Variants in IFT27 observed in about 807,000 individuals in gnomAD.
IFT27 encodes the protein intraflagellar transport protein 27 homolog.
Under a neutral mutation model 23.9 loss-of-function variants are expected in IFT27, and 19 were observed. That is an observed-to-expected ratio of 0.79 (90% CI 0.55 to 1.16). IFT27 has a LOEUF of 1.16. Among genes scored for constraint, IFT27 ranks in the 50% most tolerant of loss-of-function variants. The pLI, the probability that IFT27 is intolerant of heterozygous loss-of-function variation, is 0.00. For synonymous variants in IFT27, 91 were observed against 89.1 expected, an observed-to-expected ratio of 1.02 and a Z score of -0.12; for missense variants, 206 against 228.7, an observed-to-expected ratio of 0.90 and a Z score of 0.64.
intron 6 of IFT27, chr22:36,760,943 G>A (rs1406912792): frequency 6.0e-6 from 1 of 167,138 alleles, no homozygotes; most frequent in Non-Finnish European, 1.5e-5. Context: ...GCAGAAGAGA[G>A]GAGGAGATGA....
chr22:36,762,726 T>C (rs556561106), intron 6 of IFT27, 178 bp downstream of exon 6: 14 of 423,748 alleles, frequency 3.3e-5, no homozygotes, highest in South Asian at 2.0e-4. Context: ...TTTCCTGTTA[T>C]GTCTGAGCAG....
Position 36,767,296 on chromosome 22 carries a change from C to T in IFT27, c.174+10G>A. ...AGCCCTGAGTTCCCCTGGGTAAAGGCATCACTCACCACACTGTCTCCCGTG... is the reference window on the plus strand; with the variant it reads ...AGCCCTGAGTTCCCCTGGGTAAAGGTATCACTCACCACACTGTCTCCCGTG... On this transcript the variant is annotated intron_variant, in intron 3 of 6. Coordinates refer to ENST00000433985, the MANE Select transcript of IFT27 (RefSeq NM_001177701.3). 6.2e-7 allele frequency: 1 copy of T among 1,612,274 alleles called. No homozygotes were observed. The highest frequency in any genetic ancestry group is 8.5e-7 in the Non-Finnish European group (1 of 1,178,474).
intron 1 of IFT27, among the ~76,000 whole-genome samples, chr22:36,774,137 C>T (rs77417025): frequency 0.011 from 1,608 of 152,340 alleles, 28 homozygotes; most frequent in African/African-American, 0.036. Context: ...ACTGCCTCCT[C>T]TGGTGCTCTG....
At chr22:36,767,716 G>A in intron 2 of IFT27, 67 bp downstream of exon 2, 1 of 1,391,718 alleles carries the variant, frequency 7.2e-7, no homozygotes, top group South Asian at 1.2e-5. Context: ...GAACTTCGAA[G>A]TCACTCATCA....
At chr22:36,769,662 T>C (rs941724980) in intron 1 of IFT27, among the ~76,000 whole-genome samples, 1 of 152,108 alleles carries the variant, frequency 6.6e-6, no homozygotes, top group Non-Finnish European at 1.5e-5. Flanking sequence ...TTTAATGCTG[T>C]CCCTCCAAGC....
At position 36,767,786 on chromosome 22, in the gene IFT27, G is replaced by A. The variant is rs1938291343; in HGVS notation, c.111C>T (p.Thr37=). Residue 37 remains threonine, a synonymous_variant, in exon 2 of 7, where the codon ACC becomes ACT. Transcript: ENST00000433985. ...SDGAHFQKSY[T]LTTGMDLVVK... ...AGGTCTTGACACCCCAGCTCACCAG[G>A]GTGTAGCTTTTCTGGAAATGGGCTC... 1 of 1,613,896 alleles carries A rather than the reference G, an allele frequency of 6.2e-7. No individual in the cohort carries two copies. Among genetic ancestry groups the A allele is most frequent in the Non-Finnish European group, 8.5e-7 (1 of 1,179,768 alleles).
At chr22:36,760,548 G>C (rs1053392973) in intron 6 of IFT27, 1 of 152,226 alleles carries the variant, frequency 6.6e-6, no homozygotes, top group Non-Finnish European at 1.5e-5. Flanking sequence ...CTAGTGTTCA[G>C]TCTGGCCTTG....
At chr22:36,773,451 A>G (rs1266714624) in intron 1 of IFT27, among the ~76,000 whole-genome samples, 2 of 152,122 alleles carry the variant, frequency 1.3e-5, no homozygotes, top group East Asian at 3.9e-4. Flanking sequence ...CAGGAGTTCA[A>G]GACCAGCCTG....
In IFT27 at chr22:36,771,127, G is replaced by C. The variant is rs573539947; in HGVS notation, c.35-3265C>G. Among the ~76,000 whole-genome samples, 373 of 151,488 alleles carry C rather than the reference G, an allele frequency of 2.5e-3. 1 individual carries two copies. Among genetic ancestry groups the C allele is most frequent in the African/African-American group, 8.6e-3 (356 of 41,246 alleles). On this transcript the variant is annotated intron_variant, in intron 1 of 6. Coordinates refer to ENST00000433985, the MANE Select transcript of IFT27 (RefSeq NM_001177701.3). ...AGAGGAAACAGCGCCAGCGGGCAGT[G>C]CCCTCTTCTCAGAGATCCACACCTT... is the stretch of plus-strand genomic sequence containing the variant.
chr22:36,762,254 C>G (rs1293998471), intron 6 of IFT27: 1 of 152,266 alleles, frequency 6.6e-6, no homozygotes, highest in African/African-American at 2.4e-5. Flanking sequence ...TGCTGGACAG[C>G]TAAAATCATG....
At position 36,766,123 on chromosome 22, in the gene IFT27, C is replaced by T; in HGVS notation, c.234+15G>A. The T allele has an allele frequency of 6.2e-7, 1 of 1,611,676 alleles. No individual in the cohort carries two copies. The highest frequency in any genetic ancestry group is 8.5e-7 in the Non-Finnish European group (1 of 1,177,722). ...GAGGTGGTGACAGTCAGGAAAAAGA[C>T]CACGTGCTACTTGCCAATTTATCCA... On this transcript the variant is annotated intron_variant, in intron 4 of 6. Coordinates refer to ENST00000433985, the MANE Select transcript of IFT27 (RefSeq NM_001177701.3).
chr22:36,773,066 C>A (rs1938423185), intron 1 of IFT27, among the ~76,000 whole-genome samples: 1 of 152,156 alleles, frequency 6.6e-6, no homozygotes. Context: ...TAAAGAAGGG[C>A]ACAAAGAGGC....
chr22:36,768,275 C>A, intron 1 of IFT27: 2 of 358,366 alleles, frequency 5.6e-6, no homozygotes, highest in Non-Finnish European at 1.1e-5. Flanking sequence ...GTCACCTGTC[C>A]AACTGACCCA....
intron 6 of IFT27, chr22:36,762,619 C>T (rs1468138525): frequency 1.1e-5 from 3 of 272,802 alleles, no homozygotes; most frequent in African/African-American, 4.4e-5. Context: ...CAGAATATTG[C>T]ATGCAAACGT....
At chr22:36,772,586 G>C (rs1390291999) in intron 1 of IFT27, 1 of 985,290 alleles carries the variant, frequency 1.0e-6, no homozygotes, top group Non-Finnish European at 1.2e-6. Context: ...GGCACACAAA[G>C]GGCATTCACT....
At chr22:36,763,212 C>T (rs770902676) in intron 5 of IFT27, 199 bp from the exon 6 acceptor site, 108 of 436,268 alleles carry the variant, frequency 2.5e-4, no homozygotes, top group South Asian at 2.3e-3. Flanking sequence ...AGGTGGGCTT[C>T]GCTTTTCATG....
chr22:36,764,212 C>T (rs1257212258), intron 4 of IFT27, among the ~76,000 whole-genome samples, 176 bp from the exon 5 acceptor site: 3 of 152,274 alleles, frequency 2.0e-5, no homozygotes, highest in Non-Finnish European at 4.4e-5. Context: ...CGGAGGGCCA[C>T]GTTCAGTGGC....
chr22:36,765,195 G>A (rs1938213164), intron 4 of IFT27, among the ~76,000 whole-genome samples: 1 of 152,204 alleles, frequency 6.6e-6, no homozygotes, highest in Non-Finnish European at 1.5e-5. Context: ...CTTCAGCGTG[G>A]TTTTAACTCA....
rs200264786 is a variant in IFT27, at chr22:36,773,359, C to CA, written c.34+2314dup. 6.9e-3 allele frequency among the ~76,000 whole-genome samples: 941 copies of CA among 136,068 alleles called. 9 individuals are homozygous for CA. The highest frequency in any genetic ancestry group is 0.024 in the African/African-American group (875 of 36,504). 89.3% of individuals were successfully genotyped at this position (136,068 alleles called of 152,430 possible). On this transcript the variant is annotated intron_variant, in intron 1 of 6. Transcript: ENST00000433985. ...TGGGAGACAGAGTGAAATTACGCCT[C>CA]AAAAAAAAAGGTCCGGGCACAGTGA...
Sources: gnomAD v4.1 joint callset for allele counts (sites outside exome capture counted in the v4.1 genomes callset) on GRCh38, gnomAD v4.1.1 for gene constraint, MANE v1.5 for transcripts, NCBI Gene and HGNC (gene_info 2026-07-23, HGNC 2026-07-21) for gene names.